MAP3K15: variants seen among roughly 807,000 people sequenced by gnomAD.
MAP3K15 encodes the protein mitogen-activated protein kinase kinase kinase 15, also known as MAPK/ERK kinase kinase 15.
Under a neutral mutation model 99.5 loss-of-function variants are expected in MAP3K15, and 124 were observed. The ratio of observed to expected loss-of-function variants is 1.25; its 90% CI spans 1.08 to 1.45. The LOEUF is 1.45. Ranked by LOEUF, MAP3K15 falls within the 40% of genes most tolerant of loss-of-function variation. The pLI is 0.00. For synonymous variants in MAP3K15, 494 were observed against 439.6 expected, an observed-to-expected ratio of 1.12 and a Z score of -1.55; for missense variants, 1,242 against 1,079.7, an observed-to-expected ratio of 1.15 and a Z score of -2.11.
intron 3 of MAP3K15, among the ~76,000 whole-genome samples, chrX:19,483,148 C>T (rs747511440): frequency 3.0e-4 from 32 of 107,525 alleles, no homozygotes; most frequent in Admixed American, 1.0e-3. Context: ...TTCCCAGGTA[C>T]TCGGGAGGCT....
chrX:19,422,108 A>C (rs1170572342), intron 9 of MAP3K15, among the ~76,000 whole-genome samples: 2 of 110,198 alleles, frequency 1.8e-5, no homozygotes, highest in African/African-American at 6.7e-5. Flanking sequence ...ACCATTCAGG[A>C]CATAGGCATG....
At chrX:19,372,320 A>C (rs911363523) in intron 22 of MAP3K15, among the ~76,000 whole-genome samples, 1 of 110,763 alleles carries the variant, frequency 9.0e-6, no homozygotes, top group Non-Finnish European at 1.9e-5. Context: ...GATTAACTCC[A>C]GGACTCAAAA....
At chrX:19,442,164 G>C (rs900175442) in intron 6 of MAP3K15, among the ~76,000 whole-genome samples, 1 of 111,147 alleles carries the variant, frequency 9.0e-6, no homozygotes, top group African/African-American at 3.3e-5. Flanking sequence ...GCAGACACCA[G>C]GGATTCTCAC....
intron 14 of MAP3K15, 114 bp from the exon 15 acceptor site, chrX:19,398,473 T>C: frequency 1.2e-6 from 1 of 853,643 alleles, no homozygotes; most frequent in Non-Finnish European, 1.6e-6. Flanking sequence ...ATTATTTGAC[T>C]GTCAGGCAAG....
At chrX:19,432,588 AAAGAC>A (rs1450829101) in intron 6 of MAP3K15, among the ~76,000 whole-genome samples, 4 of 109,676 alleles carry the variant, frequency 3.6e-5, no homozygotes, top group African/African-American at 1.3e-4. Flanking sequence ...AAAGAAAAGG[AAAGAC>A]AATTGGGAAA....
intron 6 of MAP3K15, among the ~76,000 whole-genome samples, chrX:19,444,648 C>T (rs944079382): frequency 8.9e-6 from 1 of 112,105 alleles, no homozygotes; most frequent in Non-Finnish European, 1.9e-5. Flanking sequence ...CTGGCATCTT[C>T]TGCAGAGCAG....
intron 9 of MAP3K15, among the ~76,000 whole-genome samples, chrX:19,424,574 A>G (rs1456130535): frequency 1.8e-5 from 2 of 111,198 alleles, no homozygotes; most frequent in African/African-American, 6.5e-5. Flanking sequence ...GCAAATTCTC[A>G]GGCGTCCACC....
At chrX:19,447,441 TG>T (rs747511208) in intron 6 of MAP3K15, among the ~76,000 whole-genome samples, 2 of 112,075 alleles carry the variant, frequency 1.8e-5, no homozygotes, top group Admixed American at 1.9e-4. Flanking sequence ...TCAAACACAC[TG>T]AAACACAACT....
intron 6 of MAP3K15, among the ~76,000 whole-genome samples, chrX:19,453,173 G>A (rs187472218): frequency 5.4e-5 from 6 of 111,332 alleles, no homozygotes; most frequent in Admixed American, 1.9e-4. Context: ...TGGTTAAGAT[G>A]GTAAATTTTA....
At chrX:19,424,131 A>G (rs1359639162) in intron 9 of MAP3K15, among the ~76,000 whole-genome samples, 1 of 109,786 alleles carries the variant, frequency 9.1e-6, no homozygotes, top group African/African-American at 3.3e-5. Context: ...GTAATAAACC[A>G]TAACTAAGAG....
At position 19,371,080 on chromosome X, in the gene MAP3K15, AT is replaced by A. The variant is rs747536307; in HGVS notation, c.3295-17del. ...TTTTATTTACCTAAAAAAAAAAAAA[AT>A]AATAAAATAAACTAAAATCACAAAA... On this transcript the variant is annotated splice_polypyrimidine_tract_variant and intron_variant, in intron 23 of 28. Coordinates refer to ENST00000338883, the MANE Select transcript of MAP3K15 (RefSeq NM_001001671.4). 7 of 1,037,862 alleles carry A rather than the reference AT, an allele frequency of 6.7e-6. No individual in the cohort carries two copies. The highest frequency in any genetic ancestry group is 3.5e-5 in the East Asian group (1 of 28,548). The allele number at this position is 1,037,862 out of a possible 1,213,427, so 85.5% of individuals were successfully genotyped here.
rs771765755 is a variant in MAP3K15, at chrX:19,460,124, T to C, written c.749A>G (p.Asp250Gly). Residue 250 changes from aspartate to glycine, a missense_variant, in exon 5 of 29, where the codon GAC becomes GGC. Coordinates refer to ENST00000338883, the MANE Select transcript of MAP3K15 (RefSeq NM_001001671.4). ...CVYYKETLLNDIRKAREKYQG... is the reference protein window; with the variant it reads ...CVYYKETLLNGIRKAREKYQG... ...GTATTTCTCTCTGGCTTTCCGGATG[T>C]CATTTAACAAGGTTTCTTTGTAATA... The C allele has an allele frequency of 8.4e-7, 1 of 1,191,721 alleles. No individual in the cohort carries two copies. Among genetic ancestry groups the C allele is most frequent in the Admixed American group, 2.3e-5 (1 of 44,188 alleles).
At chrX:19,452,665 T>C (rs918733938) in intron 6 of MAP3K15, among the ~76,000 whole-genome samples, 1 of 111,970 alleles carries the variant, frequency 8.9e-6, no homozygotes, top group Admixed American at 9.4e-5. Flanking sequence ...AAGGAAGTTC[T>C]GACACATGCT....
chrX:19,435,373 G>T (rs931117277), intron 6 of MAP3K15, among the ~76,000 whole-genome samples: 2 of 110,594 alleles, frequency 1.8e-5, no homozygotes, highest in Admixed American at 9.7e-5. Flanking sequence ...CTACAGGCAC[G>T]TACTACCACA....
chrX:19,484,319 C>T (rs7884267), intron 3 of MAP3K15, among the ~76,000 whole-genome samples: 10,491 of 111,159 alleles, frequency 0.094, 1,212 homozygotes, highest in African/African-American at 0.32. Flanking sequence ...GTGCTCCTTA[C>T]GAGAATCTAA....
At chrX:19,476,097 C>T (rs1251275632) in intron 3 of MAP3K15, among the ~76,000 whole-genome samples, 2 of 112,348 alleles carry the variant, frequency 1.8e-5, no homozygotes, top group Non-Finnish European at 3.8e-5. Context: ...TACCAGCGAA[C>T]TTCATAATGA....
intron 22 of MAP3K15, among the ~76,000 whole-genome samples, chrX:19,372,117 G>A (rs2063379344): frequency 1.3e-5 from 1 of 75,500 alleles, no homozygotes; most frequent in Non-Finnish European, 2.6e-5. Context: ...CTGGGCGACA[G>A]AGTGAGACTG....
chrX:19,373,498 T>C lies in MAP3K15; in HGVS notation c.2933+38A>G, dbSNP rs762898337. On this transcript the variant is annotated intron_variant, in intron 21 of 28. Transcript: ENST00000338883. ...CTGTGGCGGAGGACTACCAGCACCC[T>C]TTCGGGCCCGCGGCAGACAGACAGA... 6.9e-6 allele frequency: 8 copies of C among 1,160,041 alleles called. No individual in the cohort carries two copies. In the African/African-American group the frequency reaches 1.4e-4, roughly 21 times the overall value.
chrX:19,376,603 A>G (rs1349221656), intron 19 of MAP3K15, among the ~76,000 whole-genome samples: 1 of 110,995 alleles, frequency 9.0e-6, no homozygotes, highest in Non-Finnish European at 1.9e-5. Flanking sequence ...GCACCACCAC[A>G]TGGGCTAATT....
Sources: allele counts gnomAD v4.1 joint callset (sites outside exome capture counted in the v4.1 genomes callset), GRCh38; gene constraint gnomAD v4.1.1; transcripts MANE v1.5; gene names NCBI Gene and HGNC (gene_info 2026-07-23, HGNC 2026-07-21).